The following RAI14 variants were observed in gnomAD, a reference collection of about 807,000 sequenced individuals.
RAI14 encodes ankycorbin.
Under a neutral mutation model 115.4 loss-of-function variants are expected in RAI14, and 45 were observed. The ratio of observed to expected loss-of-function variants is 0.39; its 90% CI spans 0.31 to 0.50. The LOEUF (loss-of-function observed/expected upper bound fraction) is 0.50, where lower values mean the gene tolerates loss of function less well. Ranked by LOEUF, RAI14 falls within the 20% of genes least tolerant of loss-of-function variation. The pLI, the probability that RAI14 is intolerant of heterozygous loss-of-function variation, is 0.85. For missense variants in RAI14, 939 were observed against 1,131.2 expected, an observed-to-expected ratio of 0.83 and a Z score of 2.44; for synonymous variants, 371 against 415.4, an observed-to-expected ratio of 0.89 and a Z score of 1.30.
intron 1 of RAI14, among the ~76,000 whole-genome samples, chr5:34,679,656 AG>A (rs1325890290): frequency 2.6e-5 from 4 of 152,146 alleles, no homozygotes; most frequent in South Asian, 2.1e-4. Flanking sequence ...CAGCATCTTC[AG>A]GTAGGCTTAG....
At chr5:34,700,570 C>T (rs1050440225) in intron 2 of RAI14, among the ~76,000 whole-genome samples, 6 of 152,164 alleles carry the variant, frequency 3.9e-5, no homozygotes, top group Admixed American at 2.6e-4. Context: ...GACAGTTTAT[C>T]GTCAACACCC....
chr5:34,719,389 C>T (rs548425490), intron 2 of RAI14, among the ~76,000 whole-genome samples: 5 of 152,338 alleles, frequency 3.3e-5, no homozygotes, highest in African/African-American at 1.2e-4. Context: ...TGCCACCTTC[C>T]ATCCATTGAG....
At chr5:34,712,912 A>G (rs1345459521) in intron 2 of RAI14, among the ~76,000 whole-genome samples, 1 of 152,122 alleles carries the variant, frequency 6.6e-6, no homozygotes, top group East Asian at 1.9e-4. Context: ...TGAAGAATAG[A>G]ACAACCTTGG....
intron 3 of RAI14, among the ~76,000 whole-genome samples, chr5:34,776,947 T>G (rs982483409): frequency 6.6e-6 from 1 of 152,020 alleles, no homozygotes; most frequent in African/African-American, 2.4e-5. Context: ...GGTGGGAGGA[T>G]CACTTGAGGT....
intron 2 of RAI14, among the ~76,000 whole-genome samples, chr5:34,713,549 T>G (rs1741648340): frequency 6.6e-6 from 1 of 152,234 alleles, no homozygotes; most frequent in Non-Finnish European, 1.5e-5. Flanking sequence ...GAGGATCTGT[T>G]TCTTTTTTAA....
chr5:34,668,527 A>G (rs936621848), intron 1 of RAI14, among the ~76,000 whole-genome samples: 3 of 152,046 alleles, frequency 2.0e-5, no homozygotes, highest in African/African-American at 7.2e-5. Flanking sequence ...CTTCAGACCC[A>G]GTTTCTATTT....
At chr5:34,671,638 A>C (rs191731658) in intron 1 of RAI14, among the ~76,000 whole-genome samples, 1 of 152,264 alleles carries the variant, frequency 6.6e-6, no homozygotes, top group African/African-American at 2.4e-5. Flanking sequence ...GCCACAATAA[A>C]AAGTTTTTTA....
At chr5:34,721,613 T>A (rs1269550015) in intron 2 of RAI14, among the ~76,000 whole-genome samples, 3 of 152,184 alleles carry the variant, frequency 2.0e-5, no homozygotes, top group African/African-American at 7.2e-5. Context: ...AGCAATTCCG[T>A]GTCTGCCTTT....
intron 3 of RAI14, among the ~76,000 whole-genome samples, chr5:34,780,757 T>G (rs1005624256): frequency 6.6e-5 from 10 of 152,130 alleles, no homozygotes; most frequent in African/African-American, 1.4e-4. Context: ...CAGGAACACT[T>G]TTACACTGTT....
chr5:34,813,081 G>A (rs1050521817), intron 10 of RAI14, among the ~76,000 whole-genome samples: 18 of 151,954 alleles, frequency 1.2e-4, no homozygotes, highest in African/African-American at 3.6e-4. Context: ...ACACATCTAC[G>A]TTCTTGAAGA....
Position 34,790,444 on chromosome 5 carries a change from C to A in RAI14, c.168-5495C>A, listed in dbSNP as rs535717178. Among the ~76,000 whole-genome samples the A allele has an allele frequency of 2.7e-4, 41 of 152,264 alleles. 1 individual carries two copies. Among genetic ancestry groups the A allele is most frequent in the African/African-American group, 9.4e-4 (39 of 41,552 alleles). On this transcript the variant is annotated intron_variant, in intron 3 of 17. Transcript: ENST00000265109. ...GGACAAAGCTAAAAGAGTGCACTGA[C>A]CATTTTGGTTTTCTTTTATGTGATA...
chr5:34,789,756 T>A (rs145578090), intron 3 of RAI14, among the ~76,000 whole-genome samples: 52 of 152,318 alleles, frequency 3.4e-4, no homozygotes, highest in African/African-American at 1.2e-3. Context: ...ATGTTTTGAG[T>A]GTTTATTTCA....
intron 1 of RAI14, among the ~76,000 whole-genome samples, chr5:34,666,965 G>A (rs766028131): frequency 1.3e-5 from 2 of 152,196 alleles, no homozygotes; most frequent in African/African-American, 2.4e-5. Flanking sequence ...AGTACAAGGC[G>A]ACTGTTAGTG....
intron 2 of RAI14, among the ~76,000 whole-genome samples, chr5:34,709,810 A>G (rs1741168233): frequency 6.6e-6 from 1 of 152,196 alleles, no homozygotes; most frequent in South Asian, 2.1e-4. Flanking sequence ...ATAAGCAATC[A>G]TCTAGGAGGG....
chr5:34,696,986 C>T (rs1739327886), intron 2 of RAI14, among the ~76,000 whole-genome samples: 1 of 151,584 alleles, frequency 6.6e-6, no homozygotes. Context: ...CAAAAATTAG[C>T]CAGGCATGGT....
Position 34,824,367 on chromosome 5 carries a change from T to C in RAI14, c.2525T>C (p.Leu842Ser). 2 of 1,613,444 alleles carry C rather than the reference T, an allele frequency of 1.2e-6. No individual in the cohort carries two copies. Among genetic ancestry groups the C allele is most frequent in the Non-Finnish European group, 1.7e-6 (2 of 1,179,438 alleles). The change falls in exon 15 of 18, where the codon TTG becomes TCG. Residue 842 changes from leucine to serine, a missense_variant. By Grantham distance (145) the Leu-to-Ser change is moderately radical (BLOSUM62 -2). Coordinates refer to ENST00000265109, the MANE Select transcript of RAI14 (RefSeq NM_015577.3). ...GAAAAGGAAAATATTCAGACTCTCTTGAAATCCAAAGAGCAAGAAGTAAAT... is the reference window on the plus strand; with the variant it reads ...GAAAAGGAAAATATTCAGACTCTCTCGAAATCCAAAGAGCAAGAAGTAAAT... ...KREKENIQTL[L>S]KSKEQEVNEL...
intron 2 of RAI14, among the ~76,000 whole-genome samples, chr5:34,734,205 T>C (rs1561290549): frequency 6.6e-6 from 1 of 152,222 alleles, no homozygotes; most frequent in Non-Finnish European, 1.5e-5. Context: ...ATTCCGTTGA[T>C]GACCCCACCA....
intron 12 of RAI14, among the ~76,000 whole-genome samples, chr5:34,817,857 T>A (rs540589231): frequency 6.6e-6 from 1 of 152,346 alleles, no homozygotes; most frequent in South Asian, 2.1e-4. Context: ...AAGAAGCTTT[T>A]AGGCATAATG....
At chr5:34,822,652 C>T (rs1174749402) in intron 14 of RAI14, among the ~76,000 whole-genome samples, 25 of 142,672 alleles carry the variant, frequency 1.8e-4, no homozygotes, top group Middle Eastern at 3.7e-3. Flanking sequence ...TAGCTAACCA[C>T]GCCTTTGGTA....
Sources: allele counts gnomAD v4.1 joint callset (sites outside exome capture counted in the v4.1 genomes callset), GRCh38; gene constraint gnomAD v4.1.1; transcripts MANE v1.5; gene names NCBI Gene and HGNC (gene_info 2026-07-23, HGNC 2026-07-21).